CXCR2: variants seen among roughly 807,000 people sequenced by gnomAD.
CXCR2 encodes the protein C-X-C motif chemokine receptor 2.
Under a neutral mutation model 3.7 loss-of-function variants are expected in CXCR2, and 2 were observed. That is an observed-to-expected ratio of 0.55 (90% CI 0.22 to 1.72). The LOEUF (loss-of-function observed/expected upper bound fraction) is 1.72. Among genes scored for constraint, CXCR2 ranks in the 40% most tolerant of loss-of-function variants. CXCR2 has a pLI of 0.19. For synonymous variants in CXCR2, 203 were observed against 193.3 expected, an observed-to-expected ratio of 1.05 and a Z score of -0.41; for missense variants, 351 against 450.1, an observed-to-expected ratio of 0.78 and a Z score of 1.99.
chr2:218,130,089 T>A (rs1289998937), intron 2 of CXCR2, among the ~76,000 whole-genome samples: 1 of 152,110 alleles, frequency 6.6e-6, no homozygotes, highest in African/African-American at 2.4e-5. Flanking sequence ...TGAAAGAATG[T>A]GAGTGGACCA....
chr2:218,127,713 AG>A (rs1217683744), intron 1 of CXCR2, among the ~76,000 whole-genome samples: 1 of 152,162 alleles, frequency 6.6e-6, no homozygotes, highest in African/African-American at 2.4e-5. Flanking sequence ...GTGTCACTCT[AG>A]GTATGTTGCT....
chr2:218,135,479 C>A lies in CXCR2; in HGVS notation c.678C>A (p.Ile226=). 6.2e-7 allele frequency: 1 copy of A among 1,614,218 alleles called. No homozygotes were observed. ...TTGGCTTCATCGTGCCACTGCTGAT[C>A]ATGCTGTTCTGCTACGGATTCACCC... ...QSFGFIVPLL[I]MLFCYGFTLR... The change falls in exon 3 of 3, where the codon ATC becomes ATA. Residue 226 remains isoleucine (I), a synonymous_variant. Coordinates refer to ENST00000318507, the MANE Select transcript of CXCR2 (RefSeq NM_001557.4). The surrounding 1 kb of genome is among the most constrained non-coding windows in gnomAD (Gnocchi z 4.0).
chr2:218,126,587 C>T (rs759628066), intron 1 of CXCR2, among the ~76,000 whole-genome samples: 19 of 152,186 alleles, frequency 1.2e-4, no homozygotes, highest in Non-Finnish European at 2.5e-4. Context: ...CACGTGGCCA[C>T]GGAGCACTTG....
chr2:218,133,500 A>G (rs1367002964), intron 2 of CXCR2, among the ~76,000 whole-genome samples: 4 of 151,958 alleles, frequency 2.6e-5, no homozygotes, highest in South Asian at 2.1e-4. Context: ...GTGTTTCACC[A>G]TGTTAGCCAG....
At chr2:218,131,742 C>A (rs1690653020) in intron 2 of CXCR2, among the ~76,000 whole-genome samples, 1 of 151,340 alleles carries the variant, frequency 6.6e-6, no homozygotes, top group Non-Finnish European at 1.5e-5. Context: ...GTGCTGGGAG[C>A]CACCACGCCC....
intron 1 of CXCR2, among the ~76,000 whole-genome samples, chr2:218,128,550 A>G (rs1370223251): frequency 6.6e-6 from 1 of 152,256 alleles, no homozygotes. Context: ...GCAAATTGAT[A>G]AAATACATTC....
At position 218,134,773 on chromosome 2, in the gene CXCR2, A is replaced by G. The variant is rs564109854; in HGVS notation, c.-25-4A>G. 1.9e-6 allele frequency: 3 copies of G among 1,599,502 alleles called. No individual in the cohort carries two copies. Among genetic ancestry groups the G allele is most frequent in the African/African-American group, 2.7e-5 (2 of 74,428 alleles). On this transcript the variant is annotated splice_polypyrimidine_tract_variant and splice_region_variant and intron_variant, in intron 2 of 2. Coordinates refer to ENST00000318507, the MANE Select transcript of CXCR2 (RefSeq NM_001557.4). ...ATGCAGTAACCTTCATCTCTCTTCTATAGGTCAGGATTTAAGTTTACCTCA... is the reference window on the plus strand; with the variant it reads ...ATGCAGTAACCTTCATCTCTCTTCTGTAGGTCAGGATTTAAGTTTACCTCA...
intron 2 of CXCR2, among the ~76,000 whole-genome samples, chr2:218,131,711 C>T (rs1423464296): frequency 8.6e-5 from 13 of 151,518 alleles, no homozygotes; most frequent in East Asian, 1.9e-4. Context: ...CCTCATGATC[C>T]GCCCATCTCG....
chr2:218,125,526 A>C (rs1265062637), upstream of CXCR2, among the ~76,000 whole-genome samples: 2 of 151,894 alleles, frequency 1.3e-5, no homozygotes, highest in Non-Finnish European at 1.5e-5. Context: ...TGGGAGAGGC[A>C]TGCTAATGCT....
rs189611884 is a variant in CXCR2, at chr2:218,128,666, G to A, written c.-77-648G>A. On this transcript the variant is annotated intron_variant, in intron 1 of 2. Transcript: ENST00000318507. ...AAATTAGAGGGTCTTGGCTCCAAGGGTGGTAAGCTGCTGCAGAGTTGGTGT... is the reference window on the plus strand; with the variant it reads ...AAATTAGAGGGTCTTGGCTCCAAGGATGGTAAGCTGCTGCAGAGTTGGTGT... Among the ~76,000 whole-genome samples, 58 of 152,318 alleles carry A rather than the reference G, an allele frequency of 3.8e-4. 1 individual carries two copies. The highest frequency in any genetic ancestry group is 8.8e-5 in the Non-Finnish European group (6 of 68,034).
Position 218,134,917 on chromosome 2 carries a change from G to T in CXCR2, c.116G>T (p.Cys39Phe). ...LPPFLLDAAP[C>F]EPESLEINKY... ...CCTTTTCTACTAGATGCCGCCCCAT[G>T]TGAACCAGAATCCCTGGAAATCAAC... is the stretch of plus-strand genomic sequence containing the variant. The change falls in exon 3 of 3, where the codon TGT becomes TTT. Residue 39 changes from cysteine (C) to phenylalanine (F), a missense_variant. Coordinates refer to ENST00000318507, the MANE Select transcript of CXCR2 (RefSeq NM_001557.4). The T allele has an allele frequency of 6.2e-7, 1 of 1,614,152 alleles. No individual in the cohort carries two copies. Among genetic ancestry groups the T allele is most frequent in the Non-Finnish European group, 8.5e-7 (1 of 1,180,028 alleles).
intron 2 of CXCR2, among the ~76,000 whole-genome samples, chr2:218,129,656 C>A (rs533714701): frequency 5.3e-5 from 8 of 152,274 alleles, no homozygotes; most frequent in African/African-American, 1.9e-4. Flanking sequence ...CTGGCCTGGG[C>A]TAGGACTGGG....
chr2:218,131,970 C>T (rs2106104074), intron 2 of CXCR2, among the ~76,000 whole-genome samples: 1 of 152,168 alleles, frequency 6.6e-6, no homozygotes, highest in African/African-American at 2.4e-5. Context: ...TAATCTTCTT[C>T]AGCTTTCTTC....
In CXCR2 at chr2:218,136,052, A is replaced by C; in HGVS notation, c.*168A>C. Reference sequence around the variant, plus strand: ...CTTACTAGTTTCCCTTGCATGGTTTAGAAAGCTTGCCCTGGTGCCTCACCC... The same window carrying C: ...CTTACTAGTTTCCCTTGCATGGTTTCGAAAGCTTGCCCTGGTGCCTCACCC... On this transcript the variant is annotated 3_prime_UTR_variant, in exon 3 of 3. Coordinates refer to ENST00000318507, the MANE Select transcript of CXCR2 (RefSeq NM_001557.4). 1.1e-6 allele frequency: 1 copy of C among 906,120 alleles called. No individual in the cohort carries two copies. Among genetic ancestry groups the C allele is most frequent in the Non-Finnish European group, 1.7e-6 (1 of 594,844 alleles). 56.1% of individuals were successfully genotyped at this position (906,120 alleles called of 1,614,324 possible).
upstream of CXCR2, chr2:218,125,747 G>T (rs1690492944): frequency 6.5e-6 from 1 of 152,856 alleles, no homozygotes; most frequent in African/African-American, 2.4e-5. Flanking sequence ...GTGGCTGAAG[G>T]GTGCTAGGAC....
intron 2 of CXCR2, among the ~76,000 whole-genome samples, chr2:218,134,070 G>A (rs1331149217): frequency 6.6e-6 from 1 of 152,206 alleles, no homozygotes; most frequent in East Asian, 1.9e-4. Context: ...GCTAGCTCGA[G>A]CCTTCCAAAA....
At chr2:218,131,882 A>G (rs1460163767) in intron 2 of CXCR2, among the ~76,000 whole-genome samples, 1 of 151,626 alleles carries the variant, frequency 6.6e-6, no homozygotes, top group Non-Finnish European at 1.5e-5. Flanking sequence ...AAGAGAAACT[A>G]AAAACTTGTC....
At chr2:218,129,715 T>A (rs1690596579) in intron 2 of CXCR2, among the ~76,000 whole-genome samples, 1 of 93,728 alleles carries the variant, frequency 1.1e-5, no homozygotes, top group Non-Finnish European at 2.1e-5. Flanking sequence ...CGACACTAAA[T>A]GCAATATTTG....
At chr2:218,133,991 C>T (rs1469562723) in intron 2 of CXCR2, among the ~76,000 whole-genome samples, 1 of 152,242 alleles carries the variant, frequency 6.6e-6, no homozygotes, top group African/African-American at 2.4e-5. Flanking sequence ...ACTACACAGA[C>T]ATTCCCAAAG....
Sources: allele counts gnomAD v4.1 joint callset (sites outside exome capture counted in the v4.1 genomes callset), GRCh38; gene constraint gnomAD v4.1.1; non-coding constraint Gnocchi (gnomAD v3.1); transcripts MANE v1.5; gene names NCBI Gene and HGNC (gene_info 2026-07-23, HGNC 2026-07-21).